Variants in ERBB4 observed in about 807,000 individuals in gnomAD.
ERBB4 encodes the protein erb-b2 receptor tyrosine kinase 4.
ERBB4 carries 42 observed loss-of-function variants against 158.0 expected under a neutral mutation model. The observed-to-expected ratio is 0.27, with a 90% CI of 0.21 to 0.34. The LOEUF (loss-of-function observed/expected upper bound fraction) is 0.34. Among genes scored for constraint, ERBB4 ranks in the 10% least tolerant of loss-of-function variants. ERBB4 has a pLI of 1.00. For synonymous variants in ERBB4, 583 were observed against 558.7 expected (o/e 1.04, Z -0.61); for missense variants, 1,333 against 1,624.1 (o/e 0.82, Z 3.08).
intron 25 of ERBB4, among the ~76,000 whole-genome samples, chr2:211,415,813 C>G (rs1453310964): frequency 1.3e-5 from 2 of 152,246 alleles, no homozygotes; most frequent in East Asian, 3.9e-4. Context: ...TTCTTCTTCA[C>G]TTCTGCTTAC....
chr2:212,120,582 A>T (rs926639601), intron 2 of ERBB4, among the ~76,000 whole-genome samples: 4 of 152,242 alleles, frequency 2.6e-5, no homozygotes, highest in African/African-American at 9.6e-5. Context: ...AATTCATAGA[A>T]ATTAGAGTGG....
intron 1 of ERBB4, among the ~76,000 whole-genome samples, chr2:212,183,358 G>A (rs1233501130): frequency 1.3e-5 from 2 of 151,868 alleles, no homozygotes; most frequent in African/African-American, 2.4e-5. Flanking sequence ...CTGAACCATG[G>A]GTAGTCTAGA....
At chr2:212,249,358 T>TTTCCA (rs2084434144) in intron 1 of ERBB4, among the ~76,000 whole-genome samples, 1 of 150,314 alleles carries the variant, frequency 6.7e-6, no homozygotes, top group Non-Finnish European at 1.5e-5. Flanking sequence ...AAATTTAAAA[T>TTTCCA]GTAGGAAGAC....
intron 2 of ERBB4, among the ~76,000 whole-genome samples, chr2:211,996,660 G>C (rs555947736): frequency 2.0e-5 from 3 of 152,224 alleles, no homozygotes; most frequent in Non-Finnish European, 4.4e-5. Flanking sequence ...AATGTTCTAT[G>C]TGCAAACCTT....
chr2:211,560,167 A>AAAT (rs2067346126), intron 20 of ERBB4, among the ~76,000 whole-genome samples: 1 of 152,110 alleles, frequency 6.6e-6, no homozygotes, highest in Non-Finnish European at 1.5e-5. Flanking sequence ...AATGTCATAT[A>AAAT]AATGATATAT....
intron 2 of ERBB4, among the ~76,000 whole-genome samples, chr2:212,026,271 T>G (rs2076770266): frequency 6.6e-6 from 1 of 151,706 alleles, no homozygotes; most frequent in Non-Finnish European, 1.5e-5. Flanking sequence ...AGTAAAAATA[T>G]CACACATATA....
intron 3 of ERBB4, among the ~76,000 whole-genome samples, chr2:211,921,113 T>C (rs1366154650): frequency 1.3e-5 from 2 of 152,070 alleles, no homozygotes; most frequent in Admixed American, 1.3e-4. Context: ...TGTATCTTTA[T>C]GCATATTCAA....
At chr2:212,311,119 A>G (rs2087026729) in intron 1 of ERBB4, among the ~76,000 whole-genome samples, 1 of 150,844 alleles carries the variant, frequency 6.6e-6, no homozygotes. Flanking sequence ...TGACTAGGAC[A>G]TTACTTGATA....
At chr2:212,015,562 G>C (rs2076510382) in intron 2 of ERBB4, among the ~76,000 whole-genome samples, 1 of 152,088 alleles carries the variant, frequency 6.6e-6, no homozygotes, top group Non-Finnish European at 1.5e-5. Flanking sequence ...CTACTCAGCA[G>C]TCCCTCTGTC....
rs371722038 is a variant in ERBB4, at chr2:212,267,748, C to A, written c.83-142845G>T. On this transcript the variant is annotated intron_variant, in intron 1 of 27. Coordinates refer to ENST00000342788, the MANE Select transcript of ERBB4 (RefSeq NM_005235.3). Reference sequence around the variant, plus strand: ...GTATCTCCTAATGCTATCCCTCCCCCCTTCCCCCACCCCACAACAGGCCCC... The same window carrying A: ...GTATCTCCTAATGCTATCCCTCCCCACTTCCCCCACCCCACAACAGGCCCC... Among the ~76,000 whole-genome samples, 18 of 151,518 alleles carry A rather than the reference C, an allele frequency of 1.2e-4. No homozygotes were observed. The South Asian group carries it at 1.7e-3, about 14-fold the overall frequency.
chr2:212,333,725 T>C lies in ERBB4; in HGVS notation c.82+204724A>G, dbSNP rs190300872. Among the ~76,000 whole-genome samples, 5 of 151,472 alleles carry C rather than the reference T, an allele frequency of 3.3e-5. No homozygotes were observed. In the East Asian group the frequency reaches 7.8e-4, roughly 24 times the overall value. The stretch of plus-strand genomic sequence containing the variant: ...AAAAAATCCTTCCTTGGTCCACCTG[T>C]ATATCTACTAAATCAGAACCCTAGT... On this transcript the variant is annotated intron_variant, in intron 1 of 27. Transcript: ENST00000342788.
chr2:212,030,541 T>C lies in ERBB4; in HGVS notation c.235-82925A>G, dbSNP rs1014666161. On this transcript the variant is annotated intron_variant, in intron 2 of 27. Coordinates refer to ENST00000342788, the MANE Select transcript of ERBB4 (RefSeq NM_005235.3). ...AAAGATTCAAGCACAAATCAAACTT[T>C]GGTGAGCTCTTTCCAAGAAACAAGG... 3.3e-5 allele frequency among the ~76,000 whole-genome samples: 5 copies of C among 152,106 alleles called. No individual in the cohort carries two copies. The East Asian group carries it at 7.7e-4, about 23-fold the overall frequency.
intron 1 of ERBB4, among the ~76,000 whole-genome samples, chr2:212,234,001 T>G (rs1448092323): frequency 2.1e-5 from 3 of 141,054 alleles, no homozygotes; most frequent in South Asian, 2.3e-4. Flanking sequence ...TTATTATTAT[T>G]ATGCTTTAAG....
chr2:212,384,920 T>TATAC (rs764463489), intron 1 of ERBB4, among the ~76,000 whole-genome samples: 188 of 123,750 alleles, frequency 1.5e-3, no homozygotes, highest in Middle Eastern at 7.9e-3. Context: ...TATATATATA[T>TATAC]ACACACACAC....
chr2:211,511,518 A>G (rs2065885071), intron 20 of ERBB4, among the ~76,000 whole-genome samples: 1 of 152,078 alleles, frequency 6.6e-6, no homozygotes. Flanking sequence ...TTACCCTGAG[A>G]AAGCAAAACT....
intron 4 of ERBB4, among the ~76,000 whole-genome samples, chr2:211,771,762 AG>A (rs1043299483): frequency 6.6e-6 from 1 of 152,000 alleles, no homozygotes; most frequent in African/African-American, 2.4e-5. Flanking sequence ...ACAAGAGACT[AG>A]GGGCTACGAT....
chr2:212,165,614 C>T (rs369525601), intron 1 of ERBB4, among the ~76,000 whole-genome samples: 1 of 151,982 alleles, frequency 6.6e-6, no homozygotes. Context: ...TTGGCTGACA[C>T]ATCCTTAAAA....
chr2:211,551,540 C>T (rs931353542), intron 20 of ERBB4, among the ~76,000 whole-genome samples: 7 of 152,118 alleles, frequency 4.6e-5, no homozygotes, highest in African/African-American at 1.7e-4. Context: ...CTGGTATTCA[C>T]AAACTTCCAA....
chr2:212,319,492 T>A (rs1448042938), intron 1 of ERBB4, among the ~76,000 whole-genome samples: 1 of 150,700 alleles, frequency 6.6e-6, no homozygotes, highest in South Asian at 2.1e-4. Flanking sequence ...GTCAGTTTAA[T>A]ATGTAACCTT....
Sources: gnomAD v4.1 joint callset for allele counts (sites outside exome capture counted in the v4.1 genomes callset) on GRCh38, gnomAD v4.1.1 for gene constraint, MANE v1.5 for transcripts, NCBI Gene and HGNC (gene_info 2026-07-23, HGNC 2026-07-21) for gene names.